The following CCSER1 variants were observed in gnomAD, a reference collection of about 807,000 sequenced individuals.
The protein encoded by CCSER1 is coiled-coil serine rich protein 1.
CCSER1 carries 41 observed loss-of-function variants against 82.0 expected under a neutral mutation model. The ratio of observed to expected loss-of-function variants is 0.50; its 90% CI spans 0.39 to 0.65. The LOEUF (loss-of-function observed/expected upper bound fraction) is 0.65. Ranked by LOEUF, CCSER1 falls within the 30% of genes least tolerant of loss-of-function variation. The pLI is 0.00. For synonymous variants in CCSER1, 414 were observed against 383.9 expected (o/e 1.08, Z -0.92); for missense variants, 1,119 against 1,064.2 (o/e 1.05, Z -0.72).
intron 5 of CCSER1, among the ~76,000 whole-genome samples, chr4:90,605,376 G>T (rs1161613243): frequency 6.6e-6 from 1 of 152,160 alleles, no homozygotes; most frequent in Non-Finnish European, 1.5e-5. Context: ...TTTACAAGAT[G>T]TTATAAATAT....
intron 9 of CCSER1, among the ~76,000 whole-genome samples, chr4:91,020,487 C>G (rs967463866): frequency 6.6e-6 from 1 of 151,922 alleles, no homozygotes; most frequent in Non-Finnish European, 1.5e-5. Context: ...ACAGTGAAAC[C>G]CCGTCTCTAC....
rs528584327 is a variant in CCSER1, at chr4:90,167,816, A to G, written c.-42+39985A>G. Among the ~76,000 whole-genome samples, 7 of 152,064 alleles carry G rather than the reference A, an allele frequency of 4.6e-5. No homozygotes were observed. The East Asian group carries it at 9.7e-4, about 21-fold the overall frequency. On this transcript the variant is annotated intron_variant, in intron 1 of 10. Transcript: ENST00000509176. ...AAAGGACATGAACTCATCCTTTTTTATGGCTGCATAGTATTCCATGGTGTA... is the reference window on the plus strand; with the variant it reads ...AAAGGACATGAACTCATCCTTTTTTGTGGCTGCATAGTATTCCATGGTGTA...
At chr4:91,134,878 G>A (rs993154948) in intron 10 of CCSER1, among the ~76,000 whole-genome samples, 2 of 152,020 alleles carry the variant, frequency 1.3e-5, no homozygotes, top group Admixed American at 6.6e-5. Flanking sequence ...TGGCCAACAT[G>A]GTGAAACCCC....
intron 4 of CCSER1, among the ~76,000 whole-genome samples, chr4:90,431,061 G>C (rs1171266121): frequency 6.6e-6 from 1 of 151,956 alleles, no homozygotes; most frequent in Non-Finnish European, 1.5e-5. Flanking sequence ...GTGATTGAAA[G>C]ATTCATGTTT....
chr4:91,435,055 G>A (rs1042463405), intron 10 of CCSER1, among the ~76,000 whole-genome samples: 2 of 152,124 alleles, frequency 1.3e-5, no homozygotes, highest in Non-Finnish European at 2.9e-5. Flanking sequence ...ATGTACATGG[G>A]CAATATCAAG....
chr4:90,507,186 T>A (rs1027265990), intron 5 of CCSER1, among the ~76,000 whole-genome samples: 2 of 152,168 alleles, frequency 1.3e-5, no homozygotes, highest in African/African-American at 4.8e-5. Flanking sequence ...ACAGCAGTGA[T>A]TACTTCTTTC....
intron 1 of CCSER1, among the ~76,000 whole-genome samples, chr4:90,298,122 C>T (rs191937511): frequency 2.2e-4 from 33 of 152,154 alleles, no homozygotes; most frequent in Admixed American, 3.3e-4. Flanking sequence ...CCATCTGGTC[C>T]TGGACTCTTT....
At chr4:90,631,158 G>C (rs1560846875) in intron 6 of CCSER1, among the ~76,000 whole-genome samples, 1 of 152,096 alleles carries the variant, frequency 6.6e-6, no homozygotes, top group Admixed American at 6.5e-5. Context: ...CTCCCAAAGT[G>C]CTGGGACTAC....
At chr4:91,146,736 T>A (rs964429314) in intron 10 of CCSER1, among the ~76,000 whole-genome samples, 3 of 152,172 alleles carry the variant, frequency 2.0e-5, no homozygotes, top group Non-Finnish European at 4.4e-5. Context: ...GTTTTTTACG[T>A]TGATAGTTTC....
At chr4:91,181,824 A>T (rs1734058298) in intron 10 of CCSER1, among the ~76,000 whole-genome samples, 1 of 152,204 alleles carries the variant, frequency 6.6e-6, no homozygotes, top group Non-Finnish European at 1.5e-5. Flanking sequence ...TGCCTCAATT[A>T]TAGGAGCAGA....
intron 9 of CCSER1, among the ~76,000 whole-genome samples, chr4:90,962,432 G>T (rs888783136): frequency 2.0e-5 from 3 of 151,866 alleles, no homozygotes; most frequent in African/African-American, 7.3e-5. Context: ...ATATTATTTT[G>T]ACTACATTAG....
intron 10 of CCSER1, among the ~76,000 whole-genome samples, chr4:91,424,057 C>T (rs967537629): frequency 2.4e-5 from 3 of 124,698 alleles, no homozygotes; most frequent in Admixed American, 1.0e-4. Flanking sequence ...TCGCCCAGGC[C>T]GGACTGCGGA....
chr4:91,411,232 G>A (rs2149371427), intron 10 of CCSER1, among the ~76,000 whole-genome samples: 1 of 151,612 alleles, frequency 6.6e-6, no homozygotes, highest in East Asian at 2.0e-4. Context: ...AGTCCTCAGT[G>A]TTATACCAAT....
At chr4:90,489,517 T>C (rs551010660) in intron 5 of CCSER1, among the ~76,000 whole-genome samples, 63 of 152,274 alleles carry the variant, frequency 4.1e-4, no homozygotes, top group African/African-American at 1.4e-3. Flanking sequence ...TCTAAATTCT[T>C]TTTTTAATTT....
intron 5 of CCSER1, among the ~76,000 whole-genome samples, chr4:90,474,263 G>T (rs1387045452): frequency 6.6e-6 from 1 of 152,134 alleles, no homozygotes; most frequent in African/African-American, 2.4e-5. Flanking sequence ...CCCTGAGGAG[G>T]TGACTCTCGA....
At chr4:90,157,667 G>A (rs542877715) in intron 1 of CCSER1, among the ~76,000 whole-genome samples, 27 of 151,918 alleles carry the variant, frequency 1.8e-4, no homozygotes, top group Middle Eastern at 3.4e-3. Flanking sequence ...TGATTGCATC[G>A]GCTCCTGAGG....
chr4:91,566,991 T>C (rs1169073227), intron 10 of CCSER1, among the ~76,000 whole-genome samples: 3 of 152,154 alleles, frequency 2.0e-5, no homozygotes, highest in African/African-American at 7.2e-5. Flanking sequence ...GGTTGTTCAC[T>C]GAGATCTTTC....
At chr4:90,712,708 G>A (rs867835058) in intron 6 of CCSER1, among the ~76,000 whole-genome samples, 1 of 151,512 alleles carries the variant, frequency 6.6e-6, no homozygotes, top group Admixed American at 6.6e-5. Context: ...TTTCTATCTC[G>A]GTGATCTGCC....
At chr4:90,450,013 T>C (rs1294080401) in intron 4 of CCSER1, among the ~76,000 whole-genome samples, 2 of 152,234 alleles carry the variant, frequency 1.3e-5, no homozygotes, top group Non-Finnish European at 2.9e-5. Flanking sequence ...AGGCCACTGT[T>C]GCTATCAATC....
Sources: gnomAD v4.1 joint callset for allele counts (sites outside exome capture counted in the v4.1 genomes callset) on GRCh38, gnomAD v4.1.1 for gene constraint, MANE v1.5 for transcripts, NCBI Gene and HGNC (gene_info 2026-07-23, HGNC 2026-07-21) for gene names.